The following LOXHD1 variants were observed in gnomAD, a reference collection of about 807,000 sequenced individuals.
The protein encoded by LOXHD1 is lipoxygenase homology domain-containing protein 1.
A neutral mutation model predicts 248.2 loss-of-function variants in LOXHD1; 205 were observed. The ratio of observed to expected loss-of-function variants is 0.83; its 90% CI spans 0.74 to 0.93. The LOEUF is 0.93. LOXHD1 is among the 40% of genes least tolerant of loss of function. The probability of loss-of-function intolerance (pLI) is 0.00; values close to 1 mark genes in which losing one functional copy is unlikely to be tolerated. For synonymous variants in LOXHD1, 1,113 were observed against 1,162.8 expected (o/e 0.96, Z 0.87); for missense variants, 2,930 against 2,971.6 (o/e 0.99, Z 0.33).
At chr18:46,494,242 TCA>T (rs2033685052) in intron 37 of LOXHD1, among the ~76,000 whole-genome samples, 2 of 152,226 alleles carry the variant, frequency 1.3e-5, no homozygotes, top group Non-Finnish European at 1.5e-5. Flanking sequence ...GGAATGAGAA[TCA>T]TATCTTAGGA....
At chr18:46,631,618 G>C (rs980484224) in intron 4 of LOXHD1, among the ~76,000 whole-genome samples, 1 of 152,138 alleles carries the variant, frequency 6.6e-6, no homozygotes, top group Non-Finnish European at 1.5e-5. Flanking sequence ...GAGGGGCGAG[G>C]GGCCTTGACA....
At chr18:46,605,474 A>G (rs902784433) in intron 6 of LOXHD1, among the ~76,000 whole-genome samples, 3 of 152,174 alleles carry the variant, frequency 2.0e-5, no homozygotes, top group Non-Finnish European at 4.4e-5. Flanking sequence ...GGATCGTGCC[A>G]CTGTACTCCA....
At chr18:46,556,041 T>A (rs182964481) in intron 21 of LOXHD1, among the ~76,000 whole-genome samples, 1 of 151,434 alleles carries the variant, frequency 6.6e-6, no homozygotes, top group Non-Finnish European at 1.5e-5. Context: ...GGAAGGATAA[T>A]ATTTTTTGAC....
rs527944270 is a variant in LOXHD1, at chr18:46,581,003, T to C, written c.1655-1219A>G. On this transcript the variant is annotated intron_variant, in intron 12 of 40. Transcript: ENST00000642948. ...AGCGGGTCAAGGTAAGAAGTGTGGCTTCCTTTTTATTTTTAATTTTTATTT... is the reference window on the plus strand; with the variant it reads ...AGCGGGTCAAGGTAAGAAGTGTGGCCTCCTTTTTATTTTTAATTTTTATTT... Among the ~76,000 whole-genome samples, 4 of 152,308 alleles carry C rather than the reference T, an allele frequency of 2.6e-5. No individual in the cohort carries two copies. The South Asian group carries it at 8.3e-4, about 32-fold the overall frequency.
At position 46,542,791 on chromosome 18, in the gene LOXHD1, G is replaced by A. The variant is rs373013775; in HGVS notation, c.3684C>T (p.Ile1228=). ...SDKFERDSIE[I]FTVETLDLGD... is the part of the protein sequence containing the mutation. ...CCAGATCCAGCGTCTCCACCGTGAA[G>A]ATTTCAATGCTGTCCCTCTCAAACT... Residue 1228 remains isoleucine, a synonymous_variant, in exon 24 of 41, where the codon ATC becomes ATT. Coordinates refer to ENST00000642948, the MANE Select transcript of LOXHD1 (RefSeq NM_001384474.1). 6.4e-7 allele frequency: 1 copy of A among 1,551,594 alleles called. No homozygotes were observed. The highest frequency in any genetic ancestry group is 1.4e-5 in the African/African-American group (1 of 73,034).
intron 8 of LOXHD1, among the ~76,000 whole-genome samples, chr18:46,594,972 A>T (rs892193169): frequency 2.0e-5 from 3 of 152,180 alleles, no homozygotes; most frequent in Non-Finnish European, 4.4e-5. Flanking sequence ...GAACACTCAC[A>T]TTATAAATGT....
rs1445938952 is a variant in LOXHD1 at position 46,524,497 on chromosome 18, C to T, written c.4845G>A (p.Gly1615=). Residue 1615 remains glycine (G), a synonymous_variant, in exon 31 of 41, where the codon GGG becomes GGA. Coordinates refer to ENST00000642948, the MANE Select transcript of LOXHD1 (RefSeq NM_001384474.1). ...MADVDISTVT[G]PMADYVQEGP... is the part of the protein sequence containing the mutation. ...CCTCTTGAACGTAGTCAGCCATGGG[C>T]CCGGTCACTGTGCTGATGTCGACAT... The T allele has an allele frequency of 1.9e-6, 3 of 1,551,584 alleles. No homozygotes were observed. Among genetic ancestry groups the T allele is most frequent in the Admixed American group, 3.9e-5 (2 of 50,990 alleles).
chr18:46,560,048 T>TCCCGGAC, intron 19 of LOXHD1, 35 bp downstream of exon 19: 1 of 1,226,298 alleles, frequency 8.2e-7, no homozygotes, highest in Non-Finnish European at 1.1e-6. Flanking sequence ...GTCTGGCCAC[T>TCCCGGAC]CCCTCCCCAC....
Position 46,563,092 on chromosome 18 carries a change from A to G in LOXHD1, c.2571T>C (p.Phe857=). The change falls in exon 18 of 41, where the codon TTT becomes TTC. Residue 857 remains phenylalanine (F), a synonymous_variant. Coordinates refer to ENST00000642948, the MANE Select transcript of LOXHD1 (RefSeq NM_001384474.1). ...GGAATGTGTCCTTGGACGCCCGTTC[A>G]AAAACTTTTGAGCGGCTGGAGAGGA... ...VLFLSSRSKV[F]ERASKDTFQL... 1 of 1,544,940 alleles carries G rather than the reference A, an allele frequency of 6.5e-7. No homozygotes were observed. The highest frequency in any genetic ancestry group is 8.8e-7 in the Non-Finnish European group (1 of 1,141,302).
In LOXHD1 at chr18:46,585,068, C is replaced by T. The variant is rs186975152; in HGVS notation, c.1655-5284G>A. 8.5e-5 allele frequency among the ~76,000 whole-genome samples: 13 copies of T among 152,172 alleles called. No individual in the cohort carries two copies. In the East Asian group the frequency reaches 2.5e-3, roughly 29 times the overall value. ...AACTAGGAATGAAAAGGAAATTCATCAACCCATAAACGTTAGCTATAAAAC... is the reference window on the plus strand; with the variant it reads ...AACTAGGAATGAAAAGGAAATTCATTAACCCATAAACGTTAGCTATAAAAC... On this transcript the variant is annotated intron_variant, in intron 12 of 40. Transcript: ENST00000642948.
chr18:46,477,178 A>G (rs1444617994), downstream of LOXHD1: 1 of 719,902 alleles, frequency 1.4e-6, no homozygotes, highest in Non-Finnish European at 2.6e-6. Context: ...TGAAGACTCA[A>G]TTTCTCATCC....
chr18:46,529,478 T>C (rs1007541303), intron 28 of LOXHD1, 147 bp from the exon 29 acceptor site: 1 of 889,836 alleles, frequency 1.1e-6, no homozygotes, highest in East Asian at 2.7e-5. Context: ...TGCTCAATTA[T>C]GCATACTCAG....
At chr18:46,534,555 C>T (rs1479054830) in intron 26 of LOXHD1, 104 bp from the exon 27 acceptor site, 1 of 826,342 alleles carries the variant, frequency 1.2e-6, no homozygotes, top group African/African-American at 1.7e-5. Flanking sequence ...AGTCCCTTTG[C>T]ATTTCCTCCT....
chr18:46,587,456 T>G (rs561907677), intron 12 of LOXHD1, among the ~76,000 whole-genome samples: 6 of 152,226 alleles, frequency 3.9e-5, no homozygotes, highest in Non-Finnish European at 8.8e-5. Flanking sequence ...ATCCCTTTGG[T>G]TCTGAGCTCT....
At chr18:46,557,884 C>A in intron 20 of LOXHD1, 1 of 1,132,844 alleles carries the variant, frequency 8.8e-7, no homozygotes, top group Non-Finnish European at 1.1e-6. Flanking sequence ...GCTTCAATCA[C>A]ATATTTGTAT....
intron 20 of LOXHD1, among the ~76,000 whole-genome samples, chr18:46,558,267 G>GT (rs1303433118): frequency 1.3e-5 from 2 of 152,258 alleles, no homozygotes; most frequent in East Asian, 3.9e-4. Context: ...TCATTTGAAA[G>GT]TAAGTGGCAG....
At chr18:46,574,495 G>T (rs1175941836) in intron 14 of LOXHD1, among the ~76,000 whole-genome samples, 1 of 151,300 alleles carries the variant, frequency 6.6e-6, no homozygotes, top group Admixed American at 6.6e-5. Context: ...AACAGCTCAG[G>T]TGAAGAAAGA....
At chr18:46,480,629 G>C (rs1288368344) in intron 40 of LOXHD1, among the ~76,000 whole-genome samples, 1 of 152,194 alleles carries the variant, frequency 6.6e-6, no homozygotes, top group Non-Finnish European at 1.5e-5. Context: ...TCAGCGGGCT[G>C]CTCCTGCTAG....
intron 15 of LOXHD1, 67 bp from the exon 16 acceptor site, chr18:46,569,705 C>T (rs559174172): frequency 2.6e-5 from 35 of 1,323,770 alleles, no homozygotes; most frequent in South Asian, 2.2e-4. Flanking sequence ...AAGCAGGGTG[C>T]GTGTATAGGA....
Sources: allele counts gnomAD v4.1 joint callset (sites outside exome capture counted in the v4.1 genomes callset), GRCh38; gene constraint gnomAD v4.1.1; transcripts MANE v1.5; gene names NCBI Gene and HGNC (gene_info 2026-07-23, HGNC 2026-07-21).